Variants in ORC6 observed in about 807,000 individuals in gnomAD.
ORC6 encodes the protein origin recognition complex subunit 6, also known as origin recognition complex, subunit 6 homolog-like (yeast).
In ORC6, 31 loss-of-function variants were observed where a neutral mutation model predicts 30.0. The ratio of observed to expected loss-of-function variants is 1.03; its 90% CI spans 0.78 to 1.40. The LOEUF (loss-of-function observed/expected upper bound fraction) is 1.40. Ranked by LOEUF, ORC6 falls within the 40% of genes most tolerant of loss-of-function variation. ORC6 has a pLI of 0.00. For missense variants in ORC6, 340 were observed against 304.3 expected, an observed-to-expected ratio of 1.12 and a Z score of -0.87; for synonymous variants, 136 against 111.2, an observed-to-expected ratio of 1.22 and a Z score of -1.40.
chr16:46,693,828 T>TTTTTTTTA (rs767614465), intron 4 of ORC6: 2 of 123,014 alleles, frequency 1.6e-5, no homozygotes, highest in African/African-American at 6.3e-5. Context: ...TTTTTTTTTT[T>TTTTTTTTA]ACATTTTTTT....
intron 2 of ORC6, among the ~76,000 whole-genome samples, chr16:46,691,954 A>ACTCTCT (rs1464451439): frequency 2.6e-3 from 16 of 6,108 alleles, no homozygotes; most frequent in Non-Finnish European, 7.0e-3. Context: ...ACACACACAC[A>ACTCTCT]CACACTCTCT....
rs1966469438 is a variant in ORC6, at chr16:46,693,199, A to G, written c.449+17A>G. 3 of 1,561,304 alleles carry G rather than the reference A, an allele frequency of 1.9e-6. No homozygotes were observed. The African/African-American group carries it at 4.1e-5, about 21-fold the overall frequency. ...AGCATGCAAGTAGGTATTTCATTAA[A>G]CATTCAGAAAAGTTACCAATTTACA... On this transcript the variant is annotated intron_variant, in intron 4 of 6. Transcript: ENST00000219097.
In ORC6 at chr16:46,697,984, G is replaced by C. The variant is rs748120331; in HGVS notation, c.*399G>C. The C allele has an allele frequency of 4.7e-6, 2 of 426,688 alleles. No homozygotes were observed. Among genetic ancestry groups the C allele is most frequent in the South Asian group, 3.4e-5 (2 of 59,378 alleles). The allele number at this position is 426,688 out of a possible 1,614,324, so 26.4% of individuals were successfully genotyped here. ...ACAAAAATTAGCCAGGTGTGATGGT[G>C]CATGCCTGTAATCCCAGCTCCTCAG... On this transcript the variant is annotated 3_prime_UTR_variant, in exon 7 of 7. Coordinates refer to ENST00000219097, the MANE Select transcript of ORC6 (RefSeq NM_014321.4).
chr16:46,692,462 G>A lies in ORC6; in HGVS notation c.276G>A (p.Leu92=), dbSNP rs147215492. 1.4e-4 allele frequency: 218 copies of A among 1,613,376 alleles called. No individual in the cohort carries two copies. Among genetic ancestry groups the A allele is most frequent in the Admixed American group, 3.8e-4 (23 of 60,004 alleles). ...AATCTTTTGAGTGTTTACTGGGCCTGAATTCAAATATTGGAATAAGAGACC... is the reference window on the plus strand; with the variant it reads ...AATCTTTTGAGTGTTTACTGGGCCTAAATTCAAATATTGGAATAAGAGACC... ...CLKSFECLLG[L]NSNIGIRDLA... is the part of the protein sequence containing the mutation. Residue 92 remains leucine (L), a synonymous_variant, in exon 3 of 7, where the codon CTG becomes CTA. Coordinates refer to ENST00000219097, the MANE Select transcript of ORC6 (RefSeq NM_014321.4).
intron 4 of ORC6, 30 bp from the exon 5 acceptor site, chr16:46,695,532 A>T (rs983017711): frequency 5.6e-6 from 8 of 1,426,944 alleles, no homozygotes; most frequent in Non-Finnish European, 6.9e-6. Context: ...ACAGGTCTTG[A>T]GAAAAGCAAC....
chr16:46,696,381 G>A (rs998012248), intron 6 of ORC6, among the ~76,000 whole-genome samples: 1 of 152,160 alleles, frequency 6.6e-6, no homozygotes, highest in African/African-American at 2.4e-5. Context: ...CTACAGCTAG[G>A]TATTTGTCTT....
chr16:46,697,698 GT>G lies in ORC6; in HGVS notation c.*115del, dbSNP rs1225912919. 1 of 1,218,132 alleles carries G rather than the reference GT, an allele frequency of 8.2e-7. No homozygotes were observed. Among genetic ancestry groups the G allele is most frequent in the Non-Finnish European group, 1.2e-6 (1 of 830,356 alleles). The allele number at this position is 1,218,132 out of a possible 1,614,324, so 75.5% of individuals were successfully genotyped here. A position where few individuals can be genotyped will look rare whatever the true frequency, so the allele number is the denominator to read the frequency against. On this transcript the variant is annotated 3_prime_UTR_variant, in exon 7 of 7. Coordinates refer to ENST00000219097, the MANE Select transcript of ORC6 (RefSeq NM_014321.4). ...CTTTTATAATAAGGATCCTAAGACT[GT>G]TGCCTTTAAATAGCAAAGCAGCCTA... is the stretch of plus-strand genomic sequence containing the variant.
At chr16:46,696,917 A>T (rs1966523540) in intron 6 of ORC6, among the ~76,000 whole-genome samples, 1 of 152,158 alleles carries the variant, frequency 6.6e-6, no homozygotes, top group African/African-American at 2.4e-5. Context: ...CACCTCCCAA[A>T]GTGCTGGGAT....
rs1329717433 is a variant in ORC6, at chr16:46,689,694, A to T, written c.-12A>T. 1.3e-5 allele frequency: 20 copies of T among 1,598,050 alleles called. No homozygotes were observed. Among genetic ancestry groups the T allele is most frequent in the Non-Finnish European group, 1.5e-5 (18 of 1,172,162 alleles). On this transcript the variant is annotated 5_prime_UTR_variant, in exon 1 of 7. Coordinates refer to ENST00000219097, the MANE Select transcript of ORC6 (RefSeq NM_014321.4). Reference sequence around the variant, plus strand: ...GGCGTTCACGGGAATTGTTCGCTTTAGTGCCGGCGCCATGGGGTCGGAGCT... The same window carrying T: ...GGCGTTCACGGGAATTGTTCGCTTTTGTGCCGGCGCCATGGGGTCGGAGCT...
chr16:46,692,635 C>A (rs1966459518), intron 3 of ORC6, 90 bp downstream of exon 3: 2 of 1,137,350 alleles, frequency 1.8e-6, no homozygotes, highest in Non-Finnish European at 1.3e-6. Context: ...TTTGGGAGGC[C>A]AAGTTGGGTG....
chr16:46,697,348 T>C lies in ORC6; in HGVS notation c.632-110T>C, dbSNP rs1023426762. 8 of 1,026,074 alleles carry C rather than the reference T, an allele frequency of 7.8e-6. No individual in the cohort carries two copies. The African/African-American group carries it at 1.3e-4, about 17-fold the overall frequency. The allele number at this position is 1,026,074 out of a possible 1,614,324, so 63.6% of individuals were successfully genotyped here. A position where few individuals can be genotyped will look rare whatever the true frequency, so the allele number is the denominator to read the frequency against. On this transcript the variant is annotated intron_variant, in intron 6 of 6. Transcript: ENST00000219097. ...AAAAGTGATAACTGCTGTTTCTCCA[T>C]GTCATTTCAGTATCTTTTCTATTTT...
At chr16:46,690,542 C>A (rs1966422872) in intron 1 of ORC6, among the ~76,000 whole-genome samples, 1 of 152,192 alleles carries the variant, frequency 6.6e-6, no homozygotes, top group Non-Finnish European at 1.5e-5. Context: ...GTTAGAAATA[C>A]AAATTCTTGG....
At chr16:46,692,353 G>T (rs1966455709) in intron 2 of ORC6, 29 bp from the exon 3 acceptor site, 5 of 1,589,452 alleles carry the variant, frequency 3.1e-6, no homozygotes, top group Middle Eastern at 1.7e-4. Context: ...AGGTTTTTAT[G>T]ATTTGTGTAT....
chr16:46,690,805 T>A, intron 1 of ORC6, 186 bp from the exon 2 acceptor site: 1 of 677,846 alleles, frequency 1.5e-6, no homozygotes, highest in East Asian at 2.7e-5. Context: ...AGCACAGTGA[T>A]GTTTGGAGTC....
At chr16:46,692,622 C>T in intron 3 of ORC6, 77 bp downstream of exon 3, 1 of 1,358,694 alleles carries the variant, frequency 7.4e-7, no homozygotes, top group Non-Finnish European at 1.0e-6. Flanking sequence ...GTAATCCCAG[C>T]ACTTTGGGAG....
At position 46,696,311 on chromosome 16, in the gene ORC6, T is replaced by C. The variant is rs966153460; in HGVS notation, c.631+226T>C. ...TGGCTTATTCCTGTAATCCCAGCAC[T>C]TTGGGAGGCTGAGGCGGGAGGATTG... On this transcript the variant is annotated intron_variant, in intron 6 of 6. Transcript: ENST00000219097. 23 of 559,424 alleles carry C rather than the reference T, an allele frequency of 4.1e-5. No homozygotes were observed. The Admixed American group carries it at 4.8e-4, about 12-fold the overall frequency. The allele number at this position is 559,424 out of a possible 1,614,324, so 34.7% of individuals were successfully genotyped here.
intron 6 of ORC6, among the ~76,000 whole-genome samples, chr16:46,696,718 C>T (rs1377777691): frequency 7.2e-5 from 11 of 152,160 alleles, no homozygotes; most frequent in East Asian, 1.9e-4. Context: ...TGCAGTGGCA[C>T]GGTCTCGGCT....
chr16:46,692,673 G>C (rs1021003778), intron 3 of ORC6, 128 bp downstream of exon 3: 3 of 773,126 alleles, frequency 3.9e-6, no homozygotes, highest in Non-Finnish European at 6.7e-6. Flanking sequence ...TTCAAGACCA[G>C]CCTGGCCAAC....
At chr16:46,691,874 T>C (rs1966444543) in intron 2 of ORC6, among the ~76,000 whole-genome samples, 1 of 151,926 alleles carries the variant, frequency 6.6e-6, no homozygotes, top group African/African-American at 2.4e-5. Context: ...ACAGAGCTGG[T>C]TTCCCACAGT....
Sources: allele counts gnomAD v4.1 joint callset (sites outside exome capture counted in the v4.1 genomes callset), GRCh38; gene constraint gnomAD v4.1.1; transcripts MANE v1.5; gene names NCBI Gene and HGNC (gene_info 2026-07-23, HGNC 2026-07-21).